The following MYO5A variants were observed in gnomAD, a reference collection of about 807,000 sequenced individuals.
MYO5A encodes myosin VA.
In MYO5A, 98 loss-of-function variants were observed where a neutral mutation model predicts 249.7. The observed-to-expected ratio is 0.39, with a 90% CI of 0.33 to 0.46. The LOEUF is 0.46. Among genes scored for constraint, MYO5A ranks in the 20% least tolerant of loss-of-function variants. The probability of loss-of-function intolerance (pLI) is 0.98; values close to 1 mark genes in which losing one functional copy is unlikely to be tolerated. For synonymous variants in MYO5A, 778 were observed against 810.6 expected (o/e 0.96, Z 0.68); for missense variants, 1,696 against 2,308.8 (o/e 0.73, Z 5.44).
intron 25 of MYO5A, among the ~76,000 whole-genome samples, chr15:52,355,096 C>T (rs1348970119): frequency 6.6e-6 from 1 of 152,112 alleles, no homozygotes; most frequent in Non-Finnish European, 1.5e-5. Context: ...ATTGTACATT[C>T]CCATATTTAA....
intron 1 of MYO5A, among the ~76,000 whole-genome samples, chr15:52,507,527 T>C (rs1391569052): frequency 2.0e-5 from 3 of 151,720 alleles, no homozygotes; most frequent in Admixed American, 2.0e-4. Context: ...GCTTTAAGAG[T>C]GTGATAAGGG....
chr15:52,323,622 G>T (rs1028017805), intron 36 of MYO5A, 178 bp from the exon 37 acceptor site: 2 of 553,776 alleles, frequency 3.6e-6, no homozygotes, highest in Non-Finnish European at 6.5e-6. Context: ...CAGCGACCAG[G>T]TTCATCAGTT....
chr15:52,405,142 T>G, intron 9 of MYO5A, 145 bp downstream of exon 9: 1 of 711,116 alleles, frequency 1.4e-6, no homozygotes, highest in Non-Finnish European at 2.5e-6. Context: ...CAGTTTGAGA[T>G]TCTCCTTTGG....
At chr15:52,423,955 T>C (rs1383297422) in intron 4 of MYO5A, among the ~76,000 whole-genome samples, 2 of 152,236 alleles carry the variant, frequency 1.3e-5, no homozygotes, top group African/African-American at 4.8e-5. Context: ...AAGAATACTG[T>C]TTTCCAAAGA....
intron 24 of MYO5A, among the ~76,000 whole-genome samples, chr15:52,361,564 T>C (rs2040527718): frequency 6.6e-6 from 1 of 152,166 alleles, no homozygotes; most frequent in Non-Finnish European, 1.5e-5. Flanking sequence ...CTAGCTGGTA[T>C]TTTCATCATC....
chr15:52,447,098 G>A (rs1405278954), intron 1 of MYO5A, among the ~76,000 whole-genome samples: 1 of 152,126 alleles, frequency 6.6e-6, no homozygotes, highest in African/African-American at 2.4e-5. Context: ...GGGGTCAGTG[G>A]AGGAATGATA....
At chr15:52,410,192 C>T in intron 6 of MYO5A, 141 bp downstream of exon 6, 1 of 1,043,266 alleles carries the variant, frequency 9.6e-7, no homozygotes, top group Non-Finnish European at 1.5e-6. Context: ...ATTTTACAGG[C>T]TTCAGTCCAA....
At chr15:52,448,464 C>A (rs567955816) in intron 1 of MYO5A, among the ~76,000 whole-genome samples, 2 of 152,198 alleles carry the variant, frequency 1.3e-5, no homozygotes, top group East Asian at 3.9e-4. Flanking sequence ...AAGGGACTAG[C>A]CTTGTCTCAA....
intron 18 of MYO5A, among the ~76,000 whole-genome samples, chr15:52,378,785 T>A (rs191588875): frequency 1.3e-5 from 2 of 152,194 alleles, no homozygotes; most frequent in Admixed American, 1.3e-4. Context: ...GATCAGTAGT[T>A]CTCAAAATAT....
chr15:52,433,227 T>C lies in MYO5A; in HGVS notation c.86A>G (p.Lys29Arg), dbSNP rs963818562. The C allele has an allele frequency of 6.2e-7, 1 of 1,613,848 alleles. No homozygotes were observed. Among genetic ancestry groups the C allele is most frequent in the Non-Finnish European group, 8.5e-7 (1 of 1,179,888 alleles). Reference protein sequence around the residue: ...EEVWKSAELLKDYKPGDKVLL... With the variant: ...EEVWKSAELLRDYKPGDKVLL... ...GACTTTATCTCCTGGCTTATAATCTTTGAGCAGCTCTGCTGACTTCCAGAC... is the reference window on the plus strand; with the variant it reads ...GACTTTATCTCCTGGCTTATAATCTCTGAGCAGCTCTGCTGACTTCCAGAC... The change falls in exon 2 of 42, where the codon AAA becomes AGA. Residue 29 changes from lysine to arginine, a missense_variant. By Grantham distance (26) the Lys-to-Arg change is conservative. This residue lies in a region of MYO5A where 197 missense variants were observed against 320.3 expected (regional missense o/e 0.62). Transcript: ENST00000399233.
intron 12 of MYO5A, among the ~76,000 whole-genome samples, chr15:52,390,973 T>C (rs539687075): frequency 6.6e-6 from 1 of 152,298 alleles, no homozygotes; most frequent in South Asian, 2.1e-4. Flanking sequence ...GCTACTAGGT[T>C]GTTACTGATT....
intron 39 of MYO5A, among the ~76,000 whole-genome samples, chr15:52,318,089 G>T (rs989276891): frequency 3.3e-5 from 5 of 152,170 alleles, no homozygotes; most frequent in African/African-American, 1.2e-4. Flanking sequence ...TCCTGAGATT[G>T]AGTAACTACT....
At chr15:52,482,483 T>G (rs148019649) in intron 1 of MYO5A, among the ~76,000 whole-genome samples, 2 of 152,200 alleles carry the variant, frequency 1.3e-5, no homozygotes, top group Admixed American at 1.3e-4. Flanking sequence ...ACAGGAATCC[T>G]GGGCCAGAGT....
intron 36 of MYO5A, among the ~76,000 whole-genome samples, chr15:52,324,278 T>C (rs1488220699): frequency 6.6e-6 from 1 of 152,124 alleles, no homozygotes; most frequent in African/African-American, 2.4e-5. Context: ...AGGGGAAAGC[T>C]GGTTGGCTCT....
intron 34 of MYO5A, among the ~76,000 whole-genome samples, chr15:52,332,322 T>C (rs551078681): frequency 3.3e-5 from 5 of 152,264 alleles, no homozygotes; most frequent in African/African-American, 7.2e-5. Flanking sequence ...ACTAAAAAAA[T>C]TGCCAACTAA....
At chr15:52,397,499 C>T (rs1595595076) in intron 9 of MYO5A, 33 bp from the exon 10 acceptor site, 1 of 1,608,384 alleles carries the variant, frequency 6.2e-7, no homozygotes, top group Non-Finnish European at 8.5e-7. Flanking sequence ...TTCCTATGAC[C>T]AGATAAATCA....
Position 52,521,690 on chromosome 15 carries a change from T to G in MYO5A, c.27+7090A>C, listed in dbSNP as rs892748002. Among the ~76,000 whole-genome samples the G allele has an allele frequency of 1.1e-4, 17 of 152,330 alleles. No homozygotes were observed. In the South Asian group the frequency reaches 2.7e-3, roughly 24 times the overall value. ...TAAGTTCTACAATTGGCAAAAAGCC[T>G]TTGCTGTACAAGGAGATATTTAACG... On this transcript the variant is annotated intron_variant, in intron 1 of 41. Transcript: ENST00000399233.
intron 26 of MYO5A, 75 bp downstream of exon 26, chr15:52,353,796 T>A: frequency 1.2e-6 from 2 of 1,608,346 alleles, no homozygotes; most frequent in Non-Finnish European, 1.7e-6. Flanking sequence ...CTGGGCTGAG[T>A]CTCCACTAAG....
At chr15:52,347,127 CATTTT>C (rs1031674266) in intron 29 of MYO5A, among the ~76,000 whole-genome samples, 1 of 152,032 alleles carries the variant, frequency 6.6e-6, no homozygotes, top group Non-Finnish European at 1.5e-5. Flanking sequence ...TTTTTTCCAA[CATTTT>C]AATTTTCTTT....
Sources: allele counts gnomAD v4.1 joint callset (sites outside exome capture counted in the v4.1 genomes callset), GRCh38; gene constraint gnomAD v4.1.1; regional missense constraint gnomAD v4.1.1; transcripts MANE v1.5; gene names NCBI Gene and HGNC (gene_info 2026-07-23, HGNC 2026-07-21).